The following NEGR1 variants were observed in gnomAD, a reference collection of about 807,000 sequenced individuals.
NEGR1 encodes IgLON family member 4.
NEGR1 carries 10 observed loss-of-function variants against 40.9 expected under a neutral mutation model. The observed-to-expected ratio is 0.24, with a 90% CI of 0.15 to 0.42. The LOEUF is 0.42. Ranked by LOEUF, NEGR1 falls within the 10% of genes least tolerant of loss-of-function variation. NEGR1 has a pLI of 1.00. For missense variants in NEGR1, 352 were observed against 438.9 expected (o/e 0.80, Z 1.77); for synonymous variants, 185 against 166.8 (o/e 1.11, Z -0.84).
At chr1:71,433,840 T>C (rs140048995) in intron 6 of NEGR1, among the ~76,000 whole-genome samples, 54 of 152,360 alleles carry the variant, frequency 3.5e-4, no homozygotes, top group African/African-American at 1.2e-3. Context: ...AAGTTTATTG[T>C]TACTGGTAGT....
chr1:71,536,837 C>T (rs1401774509), intron 6 of NEGR1, among the ~76,000 whole-genome samples: 1 of 151,678 alleles, frequency 6.6e-6, no homozygotes, highest in Non-Finnish European at 1.5e-5. Flanking sequence ...AACTTTCTCC[C>T]TTTATATCTC....
At chr1:71,992,745 A>T (rs1424057677) in intron 1 of NEGR1, among the ~76,000 whole-genome samples, 1 of 152,206 alleles carries the variant, frequency 6.6e-6, no homozygotes, top group Non-Finnish European at 1.5e-5. Context: ...GGGTGGCTCA[A>T]ATCCATTCAA....
rs182887786 is a variant in NEGR1 at position 72,131,804 on chromosome 1, C to T, written c.176+150515G>A. ...ATTAGTTATCCTTAAGGGTATTTTACTCCCAGTATTGGCTGAGCGTGGTGG... is the reference window on the plus strand; with the variant it reads ...ATTAGTTATCCTTAAGGGTATTTTATTCCCAGTATTGGCTGAGCGTGGTGG... On this transcript the variant is annotated intron_variant, in intron 1 of 6. Transcript: ENST00000357731. Among the ~76,000 whole-genome samples, 16 of 152,202 alleles carry T rather than the reference C, an allele frequency of 1.1e-4. No individual in the cohort carries two copies. In the East Asian group the frequency reaches 2.9e-3, roughly 28 times the overall value.
intron 6 of NEGR1, among the ~76,000 whole-genome samples, chr1:71,424,104 A>AATTTGTTG (rs1390827853): frequency 6.6e-6 from 1 of 152,034 alleles, no homozygotes; most frequent in Non-Finnish European, 1.5e-5. Flanking sequence ...AAACCTTTAA[A>AATTTGTTG]ATTTGTTGTC....
intron 5 of NEGR1, among the ~76,000 whole-genome samples, chr1:71,598,596 A>G (rs762380928): frequency 3.9e-5 from 6 of 152,234 alleles, no homozygotes; most frequent in East Asian, 3.9e-4. Flanking sequence ...CAACTTACAC[A>G]CACTCTCAGC....
At chr1:71,798,968 A>G (rs1449568568) in intron 2 of NEGR1, among the ~76,000 whole-genome samples, 1 of 152,076 alleles carries the variant, frequency 6.6e-6, no homozygotes, top group Non-Finnish European at 1.5e-5. Flanking sequence ...TTAAAATTAT[A>G]TCCTCACTTA....
In NEGR1 at chr1:71,711,481, C is replaced by CAAA. The variant is rs71070899; in HGVS notation, c.536-13345_536-13343dup. On this transcript the variant is annotated intron_variant, in intron 3 of 6. Transcript: ENST00000357731. ...CCACTATTAGAATGGCTAAAATTTA[C>CAAA]AAAAAAAAAAAAAAAAAGATTAGTG... is the stretch of plus-strand genomic sequence containing the variant. Among the ~76,000 whole-genome samples, 972 of 126,566 alleles carry CAAA rather than the reference C, an allele frequency of 7.7e-3. 17 individuals are homozygous for CAAA. The highest frequency in any genetic ancestry group is 0.013 in the African/African-American group (420 of 32,948). 83.0% of individuals were successfully genotyped at this position (126,566 alleles called of 152,430 possible). A position where few individuals can be genotyped will look rare whatever the true frequency, so the allele number is the denominator to read the frequency against.
chr1:72,153,581 T>C (rs1651246511), intron 1 of NEGR1, among the ~76,000 whole-genome samples: 1 of 151,884 alleles, frequency 6.6e-6, no homozygotes, highest in Non-Finnish European at 1.5e-5. Flanking sequence ...TAAGTGGTGG[T>C]GATGATACAT....
chr1:71,948,593 G>T (rs1348631684), intron 1 of NEGR1, among the ~76,000 whole-genome samples: 1 of 151,922 alleles, frequency 6.6e-6, no homozygotes, highest in Non-Finnish European at 1.5e-5. Context: ...TAAAAAAAGT[G>T]ACACACTTTG....
intron 1 of NEGR1, among the ~76,000 whole-genome samples, chr1:71,938,408 GTGT>G (rs1367980874): frequency 3.2e-5 from 4 of 126,442 alleles, no homozygotes; most frequent in East Asian, 4.9e-4. Context: ...GCATGTGTAG[GTGT>G]TTTTTTTTTT....
At chr1:71,932,728 T>C (rs1379179575) in intron 2 of NEGR1, among the ~76,000 whole-genome samples, 1 of 152,090 alleles carries the variant, frequency 6.6e-6, no homozygotes, top group Non-Finnish European at 1.5e-5. Flanking sequence ...TTTATCTTGG[T>C]GAATAAAGGA....
At chr1:71,697,454 G>C (rs1440498117) in intron 4 of NEGR1, among the ~76,000 whole-genome samples, 2 of 151,744 alleles carry the variant, frequency 1.3e-5, no homozygotes, top group African/African-American at 2.4e-5. Context: ...TAACATACTA[G>C]CATTGACGGT....
At chr1:72,218,860 A>C (rs929118597) in intron 1 of NEGR1, among the ~76,000 whole-genome samples, 3 of 152,046 alleles carry the variant, frequency 2.0e-5, no homozygotes, top group Non-Finnish European at 4.4e-5. Flanking sequence ...TAAAGCCCCC[A>C]AAAACTTCCA....
At chr1:71,880,424 T>A (rs939545102) in intron 2 of NEGR1, among the ~76,000 whole-genome samples, 6 of 152,076 alleles carry the variant, frequency 3.9e-5, no homozygotes, top group African/African-American at 1.4e-4. Context: ...AACCAAATAA[T>A]TCCTCTAAGA....
intron 6 of NEGR1, among the ~76,000 whole-genome samples, chr1:71,423,312 T>C (rs1052268840): frequency 6.6e-6 from 1 of 152,168 alleles, no homozygotes; most frequent in Non-Finnish European, 1.5e-5. Flanking sequence ...AGAGGATTGC[T>C]TGAGCCCAGG....
chr1:71,591,037 C>T (rs1649481612), intron 6 of NEGR1, among the ~76,000 whole-genome samples: 1 of 151,990 alleles, frequency 6.6e-6, no homozygotes, highest in Non-Finnish European at 1.5e-5. Flanking sequence ...AACTATAAGA[C>T]AAAATAAAAA....
intron 5 of NEGR1, among the ~76,000 whole-genome samples, chr1:71,610,042 G>A (rs556479122): frequency 9.9e-5 from 15 of 152,268 alleles, no homozygotes; most frequent in Non-Finnish European, 1.9e-4. Flanking sequence ...GTGATTGTAA[G>A]TTTCCTGTGA....
At chr1:71,630,987 A>G (rs1440533419) in intron 4 of NEGR1, among the ~76,000 whole-genome samples, 1 of 151,926 alleles carries the variant, frequency 6.6e-6, no homozygotes, top group African/African-American at 2.4e-5. Context: ...GTAAATTATT[A>G]TAACTAGCAT....
chr1:71,497,998 C>T (rs1646976222), intron 6 of NEGR1, among the ~76,000 whole-genome samples: 1 of 151,982 alleles, frequency 6.6e-6, no homozygotes, highest in Non-Finnish European at 1.5e-5. Flanking sequence ...GAGCTGATAG[C>T]TTCCACAGGC....
Sources: allele counts gnomAD v4.1 joint callset (sites outside exome capture counted in the v4.1 genomes callset), GRCh38; gene constraint gnomAD v4.1.1; transcripts MANE v1.5; gene names NCBI Gene and HGNC (gene_info 2026-07-23, HGNC 2026-07-21).